The following RNF128 variants were observed in gnomAD, a reference collection of about 807,000 sequenced individuals.
The protein encoded by RNF128 is E3 ubiquitin-protein ligase RNF128.
RNF128 carries 13 observed loss-of-function variants against 26.2 expected under a neutral mutation model. That is an observed-to-expected ratio of 0.50 (90% CI 0.32 to 0.79). The LOEUF (loss-of-function observed/expected upper bound fraction) is 0.79. RNF128 is among the 30% of genes least tolerant of loss of function. The probability of loss-of-function intolerance (pLI) is 0.03; values close to 1 mark genes in which losing one functional copy is unlikely to be tolerated. For synonymous variants in RNF128, 149 were observed against 142.5 expected (o/e 1.05, Z -0.32); for missense variants, 315 against 349.7 (o/e 0.90, Z 0.79).
At chrX:106,739,295 G>T (rs2147674575) in intron 1 of RNF128, among the ~76,000 whole-genome samples, 1 of 110,650 alleles carries the variant, frequency 9.0e-6, no homozygotes, top group East Asian at 2.8e-4. Flanking sequence ...GAGTAGCTGG[G>T]ATTATAGGAG....
At chrX:106,785,029 T>C in intron 2 of RNF128, 36 bp from the exon 3 acceptor site, 1 of 1,022,623 alleles carries the variant, frequency 9.8e-7, no homozygotes, top group African/African-American at 1.9e-5. Context: ...TTTTAAAAAA[T>C]AGTTTTTCTA....
At chrX:106,795,354 A>G (rs998980513) in intron 6 of RNF128, among the ~76,000 whole-genome samples, 1 of 111,676 alleles carries the variant, frequency 9.0e-6, no homozygotes, top group African/African-American at 3.2e-5. Flanking sequence ...AAATAAGCAC[A>G]TGTACGTGAA....
rs754831983 is a variant in RNF128, at chrX:106,710,044, G to A, written c.406+15636G>A. Reference sequence around the variant, plus strand: ...GGCAAAAATGAACAAACACTCCAATGTTCTAAATTTACTTTCATATAAATT... The same window carrying A: ...GGCAAAAATGAACAAACACTCCAATATTCTAAATTTACTTTCATATAAATT... On this transcript the variant is annotated intron_variant, in intron 1 of 6. Transcript: ENST00000324342. Among the ~76,000 whole-genome samples, 180 of 111,755 alleles carry A rather than the reference G, an allele frequency of 1.6e-3. 1 individual carries two copies. The highest frequency in any genetic ancestry group is 5.5e-3 in the African/African-American group (168 of 30,757).
intron 1 of RNF128, among the ~76,000 whole-genome samples, chrX:106,712,494 T>C: frequency 8.9e-6 from 1 of 112,451 alleles, no homozygotes; most frequent in Middle Eastern, 4.6e-3. Flanking sequence ...CACTAACACT[T>C]TGAGCATGAG....
chrX:106,788,980 T>C (rs1930753066), intron 4 of RNF128, among the ~76,000 whole-genome samples: 1 of 81,467 alleles, frequency 1.2e-5, no homozygotes, highest in Non-Finnish European at 2.2e-5. Context: ...ATATATACTA[T>C]ATGTACAGTA....
chrX:106,749,702 T>C (rs1317077352), intron 1 of RNF128, among the ~76,000 whole-genome samples: 1 of 111,250 alleles, frequency 9.0e-6, no homozygotes, highest in African/African-American at 3.3e-5. Context: ...AGCCAGAAGT[T>C]TGAAGCCAGC....
chrX:106,738,045 T>C (rs1232998418), intron 1 of RNF128, among the ~76,000 whole-genome samples: 1 of 112,008 alleles, frequency 8.9e-6, no homozygotes, highest in Non-Finnish European at 1.9e-5. Context: ...CATTTGATGG[T>C]AAGGAAAGCT....
chrX:106,793,451 A>G (rs1162201799), intron 6 of RNF128, among the ~76,000 whole-genome samples: 1 of 111,685 alleles, frequency 9.0e-6, no homozygotes, highest in African/African-American at 3.2e-5. Flanking sequence ...CCATTCACCC[A>G]GCTTCTCCAA....
chrX:106,717,897 G>A (rs750895153), intron 1 of RNF128, among the ~76,000 whole-genome samples: 7 of 111,696 alleles, frequency 6.3e-5, no homozygotes, highest in Non-Finnish European at 1.3e-4. Context: ...GAGTGACAAG[G>A]GTAAGATTCT....
chrX:106,783,178 C>G (rs1436208509), intron 2 of RNF128, among the ~76,000 whole-genome samples: 1 of 111,404 alleles, frequency 9.0e-6, no homozygotes, highest in Non-Finnish European at 1.9e-5. Flanking sequence ...CAAAGAAATA[C>G]TTTGGCTAAT....
rs998702609 is a variant in RNF128, at chrX:106,771,906, A to G, written c.485-1007A>G. 7.1e-5 allele frequency among the ~76,000 whole-genome samples: 8 copies of G among 112,447 alleles called. No homozygotes were observed. In the East Asian group the frequency reaches 1.1e-3, roughly 16 times the overall value. ...AGTCCTTTTAGAGTTGCATGTGTGTATTTGTATTTATTCCAGATTGGAGTT... is the reference window on the plus strand; with the variant it reads ...AGTCCTTTTAGAGTTGCATGTGTGTGTTTGTATTTATTCCAGATTGGAGTT... On this transcript the variant is annotated intron_variant, in intron 1 of 6. Transcript: ENST00000255499.
intron 1 of RNF128, among the ~76,000 whole-genome samples, chrX:106,713,267 G>A (rs1295208872): frequency 9.1e-6 from 1 of 109,927 alleles, no homozygotes; most frequent in Non-Finnish European, 1.9e-5. Flanking sequence ...CCAGCACTTT[G>A]GGAAGCCAAG....
Position 106,788,602 on chromosome X carries a change from A to C in RNF128, c.887+602A>C, listed in dbSNP as rs1269796892. Among the ~76,000 whole-genome samples, 10 of 60,442 alleles carry C rather than the reference A, an allele frequency of 1.7e-4. No individual in the cohort carries two copies. The South Asian group carries it at 0.01, about 61-fold the overall frequency. The allele number at this position is 60,442 out of a possible 115,157, so 52.5% of individuals were successfully genotyped here. On this transcript the variant is annotated intron_variant, in intron 4 of 6. Transcript: ENST00000255499. ...TATCTTACATAGTATATTATGTATA[A>C]TACATATACTCTATATTATATATAC...
intron 1 of RNF128, among the ~76,000 whole-genome samples, chrX:106,701,515 G>A (rs1487517627): frequency 8.9e-6 from 1 of 111,772 alleles, no homozygotes; most frequent in Non-Finnish European, 1.9e-5. Flanking sequence ...ATAGTTTACT[G>A]TTAGCTTGGG....
rs749937431 is a variant in RNF128, at chrX:106,726,921, C to A, written c.8C>A (p.Pro3Gln). The change falls in exon 1 of 7, where the codon CCG becomes CAG. Residue 3 changes from proline (P) to glutamine (Q), a missense_variant. Pro to Gln is a moderately conservative substitution (Grantham distance 76). Transcript: ENST00000255499. ...CTGCGGAGCGCGCGCGCCATGGGGC[C>A]GCCGCCTGGGGCCGGGGTCTCCTGC... is the stretch of plus-strand genomic sequence containing the variant. MG[P>Q]PPGAGVSCRG... 2 of 1,172,060 alleles carry A rather than the reference C, an allele frequency of 1.7e-6. No individual in the cohort carries two copies. Among genetic ancestry groups the A allele is most frequent in the Non-Finnish European group, 2.3e-6 (2 of 876,925 alleles).
At chrX:106,734,703 G>A (rs1030068326) in intron 1 of RNF128, among the ~76,000 whole-genome samples, 14 of 111,896 alleles carry the variant, frequency 1.3e-4, no homozygotes, top group Admixed American at 1.0e-3. Context: ...TGTGACCAGC[G>A]CCCTGCTCAA....
At chrX:106,718,871 C>T (rs935468646) in intron 1 of RNF128, among the ~76,000 whole-genome samples, 2 of 111,902 alleles carry the variant, frequency 1.8e-5, no homozygotes, top group African/African-American at 3.3e-5. Flanking sequence ...GTCCCAACTA[C>T]GTGCTAGCAC....
chrX:106,763,086 C>T (rs1216447368), intron 1 of RNF128, among the ~76,000 whole-genome samples: 1 of 108,027 alleles, frequency 9.3e-6, no homozygotes, highest in Non-Finnish European at 1.9e-5. Context: ...ACTAAAGACT[C>T]CTGGGCAGAA....
At chrX:106,712,009 A>T (rs1319121178) in intron 1 of RNF128, among the ~76,000 whole-genome samples, 1 of 112,594 alleles carries the variant, frequency 8.9e-6, no homozygotes, top group Non-Finnish European at 1.9e-5. Context: ...GAGTAAGGTG[A>T]CATACAGAAT....
Sources: allele counts gnomAD v4.1 joint callset (sites outside exome capture counted in the v4.1 genomes callset), GRCh38; gene constraint gnomAD v4.1.1; transcripts MANE v1.5; gene names NCBI Gene and HGNC (gene_info 2026-07-23, HGNC 2026-07-21).